The following TSPAN18 variants were observed in gnomAD, a reference collection of about 807,000 sequenced individuals.
The protein encoded by TSPAN18 is tetraspanin 18.
In TSPAN18, 14 loss-of-function variants were observed where a neutral mutation model predicts 27.3. The ratio of observed to expected loss-of-function variants is 0.51; its 90% CI spans 0.34 to 0.80. The LOEUF (loss-of-function observed/expected upper bound fraction) is 0.80, where lower values mean the gene tolerates loss of function less well. Ranked by LOEUF, TSPAN18 falls within the 30% of genes least tolerant of loss-of-function variation. The pLI, the probability that TSPAN18 is intolerant of heterozygous loss-of-function variation, is 0.01. For missense variants in TSPAN18, 268 were observed against 323.9 expected (o/e 0.83, Z 1.32); for synonymous variants, 143 against 136.5 (o/e 1.05, Z -0.33).
intron 9 of TSPAN18, 74 bp downstream of exon 9, chr11:44,926,831 C>A: frequency 6.6e-7 from 1 of 1,515,928 alleles, no homozygotes; most frequent in Non-Finnish European, 9.1e-7. Flanking sequence ...TCCCCCCAGC[C>A]TCCTTTCCTC....
At chr11:44,859,236 G>A (rs1050302822) in intron 2 of TSPAN18, among the ~76,000 whole-genome samples, 6 of 152,170 alleles carry the variant, frequency 3.9e-5, no homozygotes, top group African/African-American at 1.4e-4. Flanking sequence ...ATTTAGAGAT[G>A]CTGTTTGTCT....
chr11:44,926,382 T>A (rs1860354637), intron 8 of TSPAN18: 2 of 330,490 alleles, frequency 6.1e-6, no homozygotes, highest in Non-Finnish European at 1.1e-5. Context: ...TATGGGAAAT[T>A]TCCCAATATT....
chr11:44,745,207 C>G (rs991217775), intron 1 of TSPAN18, among the ~76,000 whole-genome samples: 1 of 152,188 alleles, frequency 6.6e-6, no homozygotes, highest in Non-Finnish European at 1.5e-5. Flanking sequence ...TGGTACTGTA[C>G]AGTTGAGCTA....
intron 2 of TSPAN18, among the ~76,000 whole-genome samples, chr11:44,811,645 A>G (rs759165702): frequency 6.6e-5 from 10 of 151,906 alleles, no homozygotes; most frequent in Non-Finnish European, 1.3e-4. Flanking sequence ...TATTTTTGAT[A>G]GAGATAGGGT....
At chr11:44,818,916 C>T (rs1294794315) in intron 2 of TSPAN18, among the ~76,000 whole-genome samples, 1 of 152,110 alleles carries the variant, frequency 6.6e-6, no homozygotes, top group Admixed American at 6.5e-5. Context: ...TCCCCATTTG[C>T]CAAATGGCCT....
At chr11:44,900,881 G>C (rs71491849) in intron 3 of TSPAN18, among the ~76,000 whole-genome samples, 2 of 151,956 alleles carry the variant, frequency 1.3e-5, no homozygotes, top group East Asian at 3.9e-4. Flanking sequence ...TTTTAGTAGA[G>C]ACAGGGTTTT....
At chr11:44,803,343 G>A (rs1856523568) in intron 2 of TSPAN18, among the ~76,000 whole-genome samples, 1 of 152,156 alleles carries the variant, frequency 6.6e-6, no homozygotes, top group African/African-American at 2.4e-5. Flanking sequence ...ATGGGTTGGG[G>A]GGGCATTTTT....
chr11:44,777,226 G>T (rs2134936915), intron 2 of TSPAN18, among the ~76,000 whole-genome samples: 1 of 152,306 alleles, frequency 6.6e-6, no homozygotes, highest in South Asian at 2.1e-4. Context: ...CATCTCAAGA[G>T]GTGTTTGTTT....
chr11:44,727,310 G>T (rs1266227146), intron 1 of TSPAN18, 23 bp downstream of exon 1: 4 of 152,114 alleles, frequency 2.6e-5, no homozygotes, highest in African/African-American at 9.7e-5. Context: ...GCACCTCCGT[G>T]CCCTCCGCAC....
intron 3 of TSPAN18, among the ~76,000 whole-genome samples, chr11:44,871,444 A>G (rs990477766): frequency 4.6e-5 from 7 of 152,132 alleles, no homozygotes; most frequent in African/African-American, 9.7e-5. Context: ...GAGGGTTTCA[A>G]TATATGAATT....
intron 2 of TSPAN18, among the ~76,000 whole-genome samples, chr11:44,828,694 G>T (rs1857094661): frequency 6.6e-6 from 1 of 152,148 alleles, no homozygotes; most frequent in African/African-American, 2.4e-5. Context: ...CAGCTTCCCT[G>T]ACCTTCATTC....
chr11:44,781,281 T>C (rs193018824), intron 2 of TSPAN18, among the ~76,000 whole-genome samples: 1 of 152,328 alleles, frequency 6.6e-6, no homozygotes, highest in East Asian at 1.9e-4. Context: ...ATGAGGCTCT[T>C]GTTGGGAGGG....
intron 2 of TSPAN18, among the ~76,000 whole-genome samples, chr11:44,776,491 T>G (rs1398848260): frequency 6.6e-6 from 1 of 152,142 alleles, no homozygotes; most frequent in Non-Finnish European, 1.5e-5. Flanking sequence ...GTGGGTGGGC[T>G]GCAGACCACA....
At chr11:44,919,491 C>T (rs752482592) in intron 7 of TSPAN18, among the ~76,000 whole-genome samples, 179 bp downstream of exon 7, 4 of 152,214 alleles carry the variant, frequency 2.6e-5, no homozygotes, top group African/African-American at 4.8e-5. Context: ...AGTCCCTACT[C>T]GGGATGAAAC....
At chr11:44,778,027 A>T (rs1394082045) in intron 2 of TSPAN18, among the ~76,000 whole-genome samples, 3 of 151,966 alleles carry the variant, frequency 2.0e-5, no homozygotes, top group Non-Finnish European at 2.9e-5. Flanking sequence ...GAACCCTTGG[A>T]GAGGTTGAGC....
At chr11:44,838,608 T>G (rs1857309458) in intron 2 of TSPAN18, among the ~76,000 whole-genome samples, 2 of 152,110 alleles carry the variant, frequency 1.3e-5, no homozygotes. Flanking sequence ...GAAGTTTGAC[T>G]TCAGAAGAGG....
chr11:44,810,444 G>T (rs1007067108), intron 2 of TSPAN18, among the ~76,000 whole-genome samples: 1 of 151,912 alleles, frequency 6.6e-6, no homozygotes, highest in African/African-American at 2.4e-5. Flanking sequence ...TGTTGCAGTG[G>T]GTATCAGAAC....
intron 2 of TSPAN18, among the ~76,000 whole-genome samples, chr11:44,835,187 G>T (rs958252243): frequency 3.3e-5 from 5 of 152,218 alleles, no homozygotes; most frequent in Admixed American, 2.6e-4. Flanking sequence ...AAAGGGGGCC[G>T]TGGGGAGGGT....
In TSPAN18 at chr11:44,908,768, GGAGAAA is replaced by G. The variant is rs1859560634; in HGVS notation, c.64-934_64-929del. 1.4e-4 allele frequency among the ~76,000 whole-genome samples: 4 copies of G among 28,284 alleles called. 1 individual carries two copies. The highest frequency in any genetic ancestry group is 4.5e-4 in the African/African-American group (4 of 8,836). 18.6% of individuals were successfully genotyped at this position (28,284 alleles called of 152,430 possible). On this transcript the variant is annotated intron_variant, in intron 4 of 9. Coordinates refer to ENST00000520358, the MANE Select transcript of TSPAN18 (RefSeq NM_130783.5). Reference sequence around the variant, plus strand: ...AAAGAGAGAGAGAGAGAGAGAGAAAGGAGAAAGAAAGAAAGAAAGAAAGAAAGAAAG... The same window carrying G: ...AAAGAGAGAGAGAGAGAGAGAGAAAGGAAAGAAAGAAAGAAAGAAAGAAAG...
Sources: allele counts gnomAD v4.1 joint callset (sites outside exome capture counted in the v4.1 genomes callset), GRCh38; gene constraint gnomAD v4.1.1; transcripts MANE v1.5; gene names NCBI Gene and HGNC (gene_info 2026-07-23, HGNC 2026-07-21).